The following IQCE variants were observed in gnomAD, a reference collection of about 807,000 sequenced individuals.
The protein encoded by IQCE is IQ domain-containing protein E.
IQCE carries 115 observed loss-of-function variants against 96.0 expected under a neutral mutation model. The ratio of observed to expected loss-of-function variants is 1.20; its 90% CI spans 1.03 to 1.40. The LOEUF is 1.40. IQCE is among the 40% of genes most tolerant of loss of function. The probability of loss-of-function intolerance (pLI) is 0.00; values close to 1 mark genes in which losing one functional copy is unlikely to be tolerated. For synonymous variants in IQCE, 412 were observed against 371.2 expected, an observed-to-expected ratio of 1.11 and a Z score of -1.26; for missense variants, 1,041 against 909.1, an observed-to-expected ratio of 1.15 and a Z score of -1.87.
chr7:2,565,141 T>TGCCTGTGTGTGA (rs1781274204), intron 1 of IQCE, among the ~76,000 whole-genome samples: 1 of 150,368 alleles, frequency 6.7e-6, no homozygotes, highest in African/African-American at 2.5e-5. Flanking sequence ...TGAGTGTGTG[T>TGCCTGTGTGTGA]GTGTGTGTGT....
chr7:2,606,672 G>T (rs752713321), intron 20 of IQCE, among the ~76,000 whole-genome samples: 3 of 152,108 alleles, frequency 2.0e-5, no homozygotes, highest in Non-Finnish European at 4.4e-5. Context: ...CTCCAAGGCC[G>T]CATCTGCATC....
intron 6 of IQCE, among the ~76,000 whole-genome samples, chr7:2,574,501 G>A (rs919168176): frequency 2.0e-5 from 3 of 152,238 alleles, no homozygotes; most frequent in African/African-American, 4.8e-5. Flanking sequence ...GAGCAAGTGC[G>A]CACCCTGGCC....
Position 2,578,522 on chromosome 7 carries a change from G to A in IQCE, c.626G>A (p.Ser209Asn), listed in dbSNP as rs374585680. 38 of 1,614,084 alleles carry A rather than the reference G, an allele frequency of 2.4e-5. No individual in the cohort carries two copies. The highest frequency in any genetic ancestry group is 3.1e-5 in the Non-Finnish European group (37 of 1,180,032). The change falls in exon 8 of 22, where the codon AGT (serine) becomes AAT (asparagine). Residue 209 changes from serine (S) to asparagine (N), a missense_variant. Physicochemically the swap from Ser to Asn is conservative, Grantham distance 46. Coordinates refer to ENST00000402050, the MANE Select transcript of IQCE (RefSeq NM_152558.5). ...RTLAEKRPDA[S>N]WVINGLKQRI... The stretch of plus-strand genomic sequence containing the variant: ...CTGGCAGAGAAAAGGCCCGATGCCA[G>A]TTGGGTGAGTATGGTGTGTGCAGGA...
At chr7:2,604,476 C>T (rs1784649501) in intron 18 of IQCE, among the ~76,000 whole-genome samples, 1 of 152,200 alleles carries the variant, frequency 6.6e-6, no homozygotes, top group Non-Finnish European at 1.5e-5. Flanking sequence ...GGTCTTGTGG[C>T]CCCTTGCTTG....
Position 2,586,260 on chromosome 7 carries a change from G to T in IQCE, c.877G>T (p.Ala293Ser). The T allele has an allele frequency of 6.2e-7, 1 of 1,614,056 alleles. No homozygotes were observed. The highest frequency in any genetic ancestry group is 8.5e-7 in the Non-Finnish European group (1 of 1,179,958). ...CAAAAGGCAGAAGAAGATGGGCAGT[G>T]CCCTCCTGAGCTTGTCCCGGAGTGT... ...GAKRQKKMGS[A>S]LLSLSRSVQE... Residue 293 changes from alanine to serine, a missense_variant, in exon 12 of 22, where the codon GCC becomes TCC. Ala to Ser is a moderately conservative substitution (Grantham distance 99). Coordinates refer to ENST00000402050, the MANE Select transcript of IQCE (RefSeq NM_152558.5).
rs565584688 is a variant in IQCE at position 2,567,761 on chromosome 7, G to A, written c.84+598G>A. Among the ~76,000 whole-genome samples the A allele has an allele frequency of 7.9e-5, 12 of 152,384 alleles. No homozygotes were observed. In the South Asian group the frequency reaches 2.1e-3, roughly 26 times the overall value. On this transcript the variant is annotated intron_variant, in intron 2 of 21. Transcript: ENST00000402050. ...CTAGCAAACCTGCAGCCAGCAGAAC[G>A]AACCCGGCACCAGCAGATCTCAATT... is the stretch of plus-strand genomic sequence containing the variant.
intron 15 of IQCE, among the ~76,000 whole-genome samples, chr7:2,594,078 G>T (rs767035196): frequency 6.6e-6 from 1 of 151,910 alleles, no homozygotes; most frequent in African/African-American, 2.4e-5. Flanking sequence ...TGACCAACAT[G>T]GTGAAACCCC....
chr7:2,576,223 G>A (rs1782114154), intron 6 of IQCE, among the ~76,000 whole-genome samples: 1 of 152,194 alleles, frequency 6.6e-6, no homozygotes, highest in Non-Finnish European at 1.5e-5. Context: ...AGAAGGCCGT[G>A]TATGAGGATG....
intron 1 of IQCE, among the ~76,000 whole-genome samples, chr7:2,565,966 G>A (rs1361056814): frequency 6.6e-6 from 1 of 152,138 alleles, no homozygotes; most frequent in Non-Finnish European, 1.5e-5. Flanking sequence ...TTCTAATACA[G>A]TTTCACACTG....
Position 2,604,999 on chromosome 7 carries a change from C to A in IQCE, c.1743+8C>A. On this transcript the variant is annotated splice_region_variant and intron_variant, in intron 19 of 21. Transcript: ENST00000402050. ...CCAGGCCTCCCAGACCAGGTAATGT[C>A]GGGGTGCTGGACGTCCCAGTGGCCA... The A allele has an allele frequency of 6.3e-7, 1 of 1,599,562 alleles. No individual in the cohort carries two copies. Among genetic ancestry groups the A allele is most frequent in the Non-Finnish European group, 8.6e-7 (1 of 1,167,698 alleles).
intron 1 of IQCE, chr7:2,566,426 T>C (rs369310965): frequency 3.0e-4 from 45 of 151,236 alleles, no homozygotes; most frequent in African/African-American, 1.0e-3. Flanking sequence ...CTCATTGTAA[T>C]GCATATGTTT....
intron 21 of IQCE, chr7:2,607,558 C>T: frequency 8.0e-7 from 1 of 1,253,692 alleles, no homozygotes; most frequent in South Asian, 3.2e-5. Context: ...TTATTGTTTC[C>T]TTTTCTACTT....
At chr7:2,590,714 A>G (rs191345488) in intron 14 of IQCE, among the ~76,000 whole-genome samples, 21 of 152,328 alleles carry the variant, frequency 1.4e-4, no homozygotes, top group Middle Eastern at 6.8e-3. Flanking sequence ...GCAGTGAGCT[A>G]TGATCATGTC....
intron 13 of IQCE, 21 bp downstream of exon 13, chr7:2,587,898 C>T: frequency 6.2e-7 from 1 of 1,612,484 alleles, no homozygotes; most frequent in Non-Finnish European, 8.5e-7. Flanking sequence ...GTCTCAGTGC[C>T]ACTGTCGTTG....
rs929141722 is a variant in IQCE at position 2,592,902 on chromosome 7, G to A, written c.1245-120G>A. ...GAAATGGGCCTTTTGTGCTCCTCCT[G>A]CCCCACCATCCACTGTCCTAAGGAA... On this transcript the variant is annotated intron_variant, in intron 14 of 21. Coordinates refer to ENST00000402050, the MANE Select transcript of IQCE (RefSeq NM_152558.5). The A allele has an allele frequency of 8.3e-6, 9 of 1,087,266 alleles. No homozygotes were observed. In the Admixed American group the frequency reaches 2.1e-4, roughly 25 times the overall value. 67.4% of individuals were successfully genotyped at this position (1,087,266 alleles called of 1,614,324 possible). A position where few individuals can be genotyped will look rare whatever the true frequency, so the allele number is the denominator to read the frequency against.
chr7:2,568,283 T>C (rs1274095638), intron 2 of IQCE, among the ~76,000 whole-genome samples: 1 of 152,200 alleles, frequency 6.6e-6, no homozygotes, highest in Non-Finnish European at 1.5e-5. Context: ...GTATAATGTA[T>C]ATATGAAACA....
chr7:2,564,617 C>T (rs1221889504), intron 1 of IQCE, among the ~76,000 whole-genome samples: 1 of 151,906 alleles, frequency 6.6e-6, no homozygotes. Context: ...AAAATCTATA[C>T]ATTTGTGAAT....
At chr7:2,593,550 C>T (rs540817583) in intron 15 of IQCE, among the ~76,000 whole-genome samples, 144 of 152,384 alleles carry the variant, frequency 9.4e-4, no homozygotes, top group African/African-American at 2.9e-3. Context: ...GTCGACCACG[C>T]GTAGGCGCAG....
intron 1 of IQCE, among the ~76,000 whole-genome samples, chr7:2,560,401 C>G (rs1456893788): frequency 1.3e-5 from 2 of 152,248 alleles, no homozygotes; most frequent in Non-Finnish European, 2.9e-5. Flanking sequence ...ATCAAGGGAA[C>G]TGTGCTCACC....
Sources: allele counts gnomAD v4.1 joint callset (sites outside exome capture counted in the v4.1 genomes callset), GRCh38; gene constraint gnomAD v4.1.1; transcripts MANE v1.5; gene names NCBI Gene and HGNC (gene_info 2026-07-23, HGNC 2026-07-21).